ITGA4: variants seen among roughly 807,000 people sequenced by gnomAD.
ITGA4 encodes integrin alpha-4.
Under a neutral mutation model 133.6 loss-of-function variants are expected in ITGA4, and 63 were observed. The ratio of observed to expected loss-of-function variants is 0.47; its 90% confidence interval spans 0.38 to 0.58. The LOEUF is 0.58. Ranked by LOEUF, ITGA4 falls within the 20% of genes least tolerant of loss-of-function variation. The pLI, the probability that ITGA4 is intolerant of heterozygous loss-of-function variation, is 0.00. For synonymous variants in ITGA4, 483 were observed against 438.0 expected, an observed-to-expected ratio of 1.10 and a Z score of -1.28; for missense variants, 1,076 against 1,252.7, an observed-to-expected ratio of 0.86 and a Z score of 2.13.
chr2:181,501,848 A>C (rs1030350898), intron 15 of ITGA4, among the ~76,000 whole-genome samples: 1 of 152,114 alleles, frequency 6.6e-6, no homozygotes, highest in Non-Finnish European at 1.5e-5. Context: ...ATATCAACTA[A>C]GGCTTTGTAC....
At position 181,536,995 on chromosome 2, in the gene ITGA4, G is replaced by A. The variant is rs1316412665; in HGVS notation, c.*1468G>A. 1 of 450,228 alleles carries A rather than the reference G, an allele frequency of 2.2e-6. No individual in the cohort carries two copies. Among genetic ancestry groups the A allele is most frequent in the African/African-American group, 2.0e-5 (1 of 49,818 alleles). 27.9% of individuals were successfully genotyped at this position (450,228 alleles called of 1,614,324 possible). On this transcript the variant is annotated 3_prime_UTR_variant, in exon 28 of 28. Coordinates refer to ENST00000397033, the MANE Select transcript of ITGA4 (RefSeq NM_000885.6). ...AATTGATGAAAGTTATCTGTTCACA[G>A]GCCTGCAGTGATGGTGAGGAATGTT...
intron 27 of ITGA4, 26 bp downstream of exon 27, chr2:181,534,961 TAGTCTACTAAAAATGACATTTTCTCAA>T: frequency 6.5e-7 from 1 of 1,531,678 alleles, no homozygotes. Flanking sequence ...TTACCAACAT[TAGTCTACTAAAAATGACATTTTCTCAA>T]AGCCAATTTG....
intron 15 of ITGA4, among the ~76,000 whole-genome samples, chr2:181,505,345 G>A (rs1409341339): frequency 1.3e-5 from 2 of 151,918 alleles, no homozygotes; most frequent in African/African-American, 4.8e-5. Flanking sequence ...AGGAGGACAT[G>A]GGCCTGTTGC....
rs1224413827 is a variant in ITGA4, at chr2:181,522,195, C to T, written c.1927C>T (p.His643Tyr). 1.9e-6 allele frequency: 3 copies of T among 1,549,980 alleles called. No homozygotes were observed. The highest frequency in any genetic ancestry group is 1.9e-5 in the Admixed American group (1 of 53,894). The change falls in exon 18 of 28, where the codon CAT becomes TAT. Residue 643 changes from histidine (H) to tyrosine (Y), a missense_variant. His to Tyr is a moderately conservative substitution (Grantham distance 83). This residue lies in a region of ITGA4 where 365 missense variants were observed against 421.4 expected (regional missense o/e 0.87). Coordinates refer to ENST00000397033, the MANE Select transcript of ITGA4 (RefSeq NM_000885.6). ...VSAKIGFLKP[H>Y]ENKTYLAVGS... Reference sequence around the variant, plus strand: ...ATAATATTACTTAATTTTTAGGCCCCATGAAAATAAAACATATCTTGCTGT... The same window carrying T: ...ATAATATTACTTAATTTTTAGGCCCTATGAAAATAAAACATATCTTGCTGT...
chr2:181,493,275 C>A, intron 10 of ITGA4, 50 bp from the exon 11 acceptor site: 1 of 1,259,540 alleles, frequency 7.9e-7, no homozygotes, highest in Non-Finnish European at 1.1e-6. Flanking sequence ...TTCGAAGTTG[C>A]ATTCTTTGTA....
At position 181,538,388 on chromosome 2, in the gene ITGA4, A is replaced by G. The variant is rs1260826871; in HGVS notation, c.*2861A>G. The stretch of plus-strand genomic sequence containing the variant: ...CAGAGCTGTAATCTAGAAAACTGAG[A>G]AGGTCTGATTGATAAATCATCAACA... On this transcript the variant is annotated 3_prime_UTR_variant, in exon 28 of 28. Transcript: ENST00000397033. The G allele has an allele frequency of 3.3e-6, 2 of 613,350 alleles. No individual in the cohort carries two copies. The highest frequency in any genetic ancestry group is 1.9e-5 in the African/African-American group (1 of 53,742). 38.0% of individuals were successfully genotyped at this position (613,350 alleles called of 1,614,324 possible). A position where few individuals can be genotyped will look rare whatever the true frequency, so the allele number is the denominator to read the frequency against.
rs1031596053 is a variant in ITGA4, at chr2:181,534,463, G to C, written c.2883+93G>C. The C allele has an allele frequency of 3.7e-6, 3 of 814,524 alleles. No homozygotes were observed. In the African/African-American group the frequency reaches 5.2e-5, roughly 14 times the overall value. 50.5% of individuals were successfully genotyped at this position (814,524 alleles called of 1,614,324 possible). On this transcript the variant is annotated intron_variant, in intron 26 of 27. Coordinates refer to ENST00000397033, the MANE Select transcript of ITGA4 (RefSeq NM_000885.6). The stretch of plus-strand genomic sequence containing the variant: ...ACTTCCTTCTGAGTAACTGAGTTGG[G>C]AAAGTAGAGTGTGACCAGCTCATGG...
chr2:181,526,038 G>A (rs959257499), intron 21 of ITGA4, among the ~76,000 whole-genome samples: 2 of 152,238 alleles, frequency 1.3e-5, no homozygotes, highest in African/African-American at 2.4e-5. Flanking sequence ...AAACCATCCC[G>A]CAGTCATCTT....
At chr2:181,512,554 G>A (rs1559052531) in intron 17 of ITGA4, among the ~76,000 whole-genome samples, 1 of 152,030 alleles carries the variant, frequency 6.6e-6, no homozygotes, top group Non-Finnish European at 1.5e-5. Flanking sequence ...TAAAAAGAAT[G>A]GGGAGTCCCT....
chr2:181,505,538 A>C (rs970487259), intron 15 of ITGA4, among the ~76,000 whole-genome samples: 2 of 152,074 alleles, frequency 1.3e-5, no homozygotes, highest in Non-Finnish European at 2.9e-5. Flanking sequence ...TGCCCATCCA[A>C]ATTTTAAAAT....
intron 2 of ITGA4, among the ~76,000 whole-genome samples, chr2:181,468,148 T>C (rs1325874161): frequency 6.6e-6 from 1 of 152,196 alleles, no homozygotes. Flanking sequence ...CCCTCGGAGA[T>C]AGGCATCTTC....
intron 15 of ITGA4, among the ~76,000 whole-genome samples, chr2:181,508,221 A>G (rs1331244688): frequency 2.0e-5 from 3 of 152,106 alleles, no homozygotes; most frequent in African/African-American, 7.2e-5. Context: ...TATTGAAAAA[A>G]AAAACTTGTG....
chr2:181,470,947 G>A (rs1243435668), intron 2 of ITGA4, among the ~76,000 whole-genome samples: 1 of 152,112 alleles, frequency 6.6e-6, no homozygotes, highest in Non-Finnish European at 1.5e-5. Context: ...ATTACAGGAT[G>A]TTCTCTGAAC....
intron 23 of ITGA4, among the ~76,000 whole-genome samples, chr2:181,530,298 A>G (rs553686560): frequency 6.6e-6 from 1 of 152,354 alleles, no homozygotes; most frequent in South Asian, 2.1e-4. Flanking sequence ...AGGCCATTTT[A>G]TCAGCTTAGA....
At chr2:181,504,881 A>G (rs1025640126) in intron 15 of ITGA4, among the ~76,000 whole-genome samples, 1 of 151,752 alleles carries the variant, frequency 6.6e-6, no homozygotes, top group East Asian at 1.9e-4. Flanking sequence ...GTAATGCTAG[A>G]TGTCTGACTG....
chr2:181,475,423 C>T (rs973649002), intron 4 of ITGA4, 135 bp downstream of exon 4: 11 of 695,184 alleles, frequency 1.6e-5, no homozygotes, highest in Non-Finnish European at 2.4e-5. Flanking sequence ...TTTAACTACT[C>T]AATTTCTTTC....
rs1209894262 is a variant in ITGA4, at chr2:181,525,240, G to C, written c.2288G>C (p.Arg763Thr). The C allele has an allele frequency of 1.7e-5, 28 of 1,608,654 alleles. No individual in the cohort carries two copies. Among genetic ancestry groups the C allele is most frequent in the Non-Finnish European group, 2.3e-5 (27 of 1,175,584 alleles). ...EEEMDNLKHS[R>T]VTVAIPLKYE... ...GAAATGGACAATCTAAAGCACAGCAGAGTGACTGTAGCAATACCTTTAAAA... is the reference window on the plus strand; with the variant it reads ...GAAATGGACAATCTAAAGCACAGCACAGTGACTGTAGCAATACCTTTAAAA... The change falls in exon 21 of 28, where the codon AGA (arginine) becomes ACA (threonine). Residue 763 changes from arginine to threonine, a missense_variant. Physicochemically the swap from Arg to Thr is moderately conservative, Grantham distance 71. Around this residue, in one of 4 missense-constraint regions of ITGA4, gnomAD observed 365 missense variants for 421.4 expected, o/e 0.87. Coordinates refer to ENST00000397033, the MANE Select transcript of ITGA4 (RefSeq NM_000885.6).
chr2:181,537,083 G>A lies in ITGA4; in HGVS notation c.*1556G>A. 4.4e-6 allele frequency: 2 copies of A among 451,144 alleles called. No individual in the cohort carries two copies. Among genetic ancestry groups the A allele is most frequent in the Non-Finnish European group, 8.9e-6 (2 of 225,452 alleles). 27.9% of individuals were successfully genotyped at this position (451,144 alleles called of 1,614,324 possible). A position where few individuals can be genotyped will look rare whatever the true frequency, so the allele number is the denominator to read the frequency against. ...GCACAAAACCTCCTGAACCCAGAGT[G>A]TGTATACACAGGAATAAACTTTATG... On this transcript the variant is annotated 3_prime_UTR_variant, in exon 28 of 28. Transcript: ENST00000397033.
chr2:181,534,882 A>G lies in ITGA4; in HGVS notation c.2950A>G (p.Ser984Gly), dbSNP rs201540166. ...TTTCACCATAGTGATTATTTCAAGT[A>G]GCTTGCTACTTGGACTTATTGTACT... ...RYFTIVIISSSLLLGLIVLLL... is the reference protein window; with the variant it reads ...RYFTIVIISSGLLLGLIVLLL... Residue 984 changes from serine (S) to glycine (G), a missense_variant, in exon 27 of 28, where the codon AGC (serine) becomes GGC (glycine). This residue lies in a region of ITGA4 where 193 missense variants were observed against 172.3 expected (regional missense o/e 1.12). Transcript: ENST00000397033. 1.9e-6 allele frequency: 3 copies of G among 1,599,710 alleles called. No homozygotes were observed. Among genetic ancestry groups the G allele is most frequent in the South Asian group, 1.1e-5 (1 of 87,458 alleles).
Sources: allele counts gnomAD v4.1 joint callset (sites outside exome capture counted in the v4.1 genomes callset), GRCh38; gene constraint gnomAD v4.1.1; regional missense constraint gnomAD v4.1.1; transcripts MANE v1.5; gene names NCBI Gene and HGNC (gene_info 2026-07-23, HGNC 2026-07-21).